The following GRIK2 variants were observed in gnomAD, a reference collection of about 807,000 sequenced individuals.
GRIK2 encodes glutamate ionotropic receptor kainate type subunit 2.
In GRIK2, 32 loss-of-function variants were observed where a neutral mutation model predicts 100.3. That is an observed-to-expected ratio of 0.32 (90% CI 0.24 to 0.43). GRIK2 has a LOEUF of 0.43. Ranked by LOEUF, GRIK2 falls within the 20% of genes least tolerant of loss-of-function variation. The pLI is 1.00. For synonymous variants in GRIK2, 417 were observed against 389.4 expected (o/e 1.07, Z -0.83); for missense variants, 843 against 1,114.9 (o/e 0.76, Z 3.47).
chr6:101,584,571 A>T (rs1055405157), intron 2 of GRIK2, among the ~76,000 whole-genome samples: 1 of 152,082 alleles, frequency 6.6e-6, no homozygotes, highest in African/African-American at 2.4e-5. Flanking sequence ...ATCTAGAAGA[A>T]CAAAGTCAAA....
chr6:101,914,713 T>A (rs998955467), intron 12 of GRIK2, among the ~76,000 whole-genome samples: 7 of 151,566 alleles, frequency 4.6e-5, no homozygotes, highest in Non-Finnish European at 3.0e-5. Context: ...TTTTATTTAC[T>A]CTTATCAAAT....
chr6:102,046,963 A>G (rs1770919222), intron 15 of GRIK2, among the ~76,000 whole-genome samples: 1 of 152,200 alleles, frequency 6.6e-6, no homozygotes, highest in African/African-American at 2.4e-5. Context: ...CTGAACAACT[A>G]GTAGGTCAAA....
At chr6:101,728,333 GTATGT>G (rs1342516398) in intron 7 of GRIK2, among the ~76,000 whole-genome samples, 1 of 151,998 alleles carries the variant, frequency 6.6e-6, no homozygotes, top group Non-Finnish European at 1.5e-5. Context: ...AATAAAACAT[GTATGT>G]TATGTCATTA....
At chr6:101,459,040 G>C (rs1172755917) in intron 2 of GRIK2, among the ~76,000 whole-genome samples, 1 of 151,882 alleles carries the variant, frequency 6.6e-6, no homozygotes, top group Admixed American at 6.6e-5. Flanking sequence ...AATAATGGGG[G>C]AAAAATTCTC....
chr6:101,738,231 TCAAA>T (rs1775794133), intron 7 of GRIK2, among the ~76,000 whole-genome samples: 1 of 151,468 alleles, frequency 6.6e-6, no homozygotes, highest in Non-Finnish European at 1.5e-5. Flanking sequence ...TTGACAATTG[TCAAA>T]TGTCAATTGT....
chr6:101,544,783 A>G (rs1776158076), intron 2 of GRIK2, among the ~76,000 whole-genome samples: 1 of 152,196 alleles, frequency 6.6e-6, no homozygotes, highest in Admixed American at 6.6e-5. Context: ...TGAGATTTAG[A>G]AAAGTTAATT....
chr6:102,046,614 T>C (rs1158965249), intron 15 of GRIK2, among the ~76,000 whole-genome samples: 1 of 152,190 alleles, frequency 6.6e-6, no homozygotes, highest in Non-Finnish European at 1.5e-5. Context: ...TTCAGAACTA[T>C]GAGTCAATTA....
At chr6:101,715,576 A>G (rs572522801) in intron 7 of GRIK2, among the ~76,000 whole-genome samples, 59 of 151,788 alleles carry the variant, frequency 3.9e-4, no homozygotes, top group Non-Finnish European at 5.3e-4. Context: ...AACATCTTTA[A>G]CTATACCAAG....
At chr6:101,988,120 TGTGTGTGTGTGTGC>T (rs1383578346) in intron 14 of GRIK2, among the ~76,000 whole-genome samples, 5 of 45,704 alleles carry the variant, frequency 1.1e-4, no homozygotes, top group East Asian at 6.0e-4. Flanking sequence ...TGTGTGTGTG[TGTGTGTGTGTGTGC>T]GCGCGCGCGC....
intron 10 of GRIK2, among the ~76,000 whole-genome samples, chr6:101,821,295 A>G (rs1387085606): frequency 1.3e-5 from 2 of 152,142 alleles, no homozygotes; most frequent in Non-Finnish European, 2.9e-5. Context: ...CTCTCTATGA[A>G]GAAGTGGTAT....
intron 2 of GRIK2, among the ~76,000 whole-genome samples, chr6:101,472,439 A>G (rs931041402): frequency 3.3e-5 from 5 of 151,888 alleles, no homozygotes; most frequent in East Asian, 1.9e-4. Flanking sequence ...TAAGAGACAC[A>G]TCATAGATTT....
chr6:101,397,482 T>C (rs921083517), intron 1 of GRIK2, among the ~76,000 whole-genome samples: 1 of 152,234 alleles, frequency 6.6e-6, no homozygotes, highest in Non-Finnish European at 1.5e-5. Flanking sequence ...TTGCCTGCTA[T>C]ACTGCAGAAC....
intron 4 of GRIK2, among the ~76,000 whole-genome samples, chr6:101,654,266 T>G (rs1781952292): frequency 6.6e-6 from 1 of 152,272 alleles, no homozygotes. Flanking sequence ...CACAACTATA[T>G]AAAGATACAA....
chr6:101,750,221 T>C (rs1333229365), intron 7 of GRIK2, among the ~76,000 whole-genome samples: 1 of 152,176 alleles, frequency 6.6e-6, no homozygotes, highest in South Asian at 2.1e-4. Context: ...TTGTGAATAC[T>C]GAGGCTTAAA....
intron 7 of GRIK2, among the ~76,000 whole-genome samples, chr6:101,687,304 A>G (rs898658692): frequency 3.3e-5 from 5 of 151,954 alleles, no homozygotes; most frequent in Non-Finnish European, 7.4e-5. Context: ...TTCTTATTAA[A>G]TCATTTTTCT....
At chr6:101,556,944 C>T (rs1237963460) in intron 2 of GRIK2, among the ~76,000 whole-genome samples, 1 of 151,946 alleles carries the variant, frequency 6.6e-6, no homozygotes, top group Non-Finnish European at 1.5e-5. Context: ...ATATTTATGT[C>T]ATTGAAGTTT....
chr6:101,840,161 T>C (rs1256384437), intron 10 of GRIK2, among the ~76,000 whole-genome samples: 1 of 152,148 alleles, frequency 6.6e-6, no homozygotes, highest in East Asian at 1.9e-4. Context: ...CAATTATAAA[T>C]TATGGGCTTC....
At chr6:102,015,334 G>GC (rs1301292495) in intron 14 of GRIK2, among the ~76,000 whole-genome samples, 3 of 151,978 alleles carry the variant, frequency 2.0e-5, no homozygotes, top group Non-Finnish European at 4.4e-5. Flanking sequence ...TACTGTGATT[G>GC]CATGTGAAAT....
At chr6:101,471,177 G>GACTGC (rs1290939141) in intron 2 of GRIK2, among the ~76,000 whole-genome samples, 7 of 152,024 alleles carry the variant, frequency 4.6e-5, no homozygotes, top group Non-Finnish European at 7.4e-5. Flanking sequence ...TCTTTTCAGT[G>GACTGC]ACTGCACTAA....
Sources: gnomAD v4.1 joint callset for allele counts (sites outside exome capture counted in the v4.1 genomes callset) on GRCh38, gnomAD v4.1.1 for gene constraint, MANE v1.5 for transcripts, NCBI Gene and HGNC (gene_info 2026-07-23, HGNC 2026-07-21) for gene names.